The following FOXP2 variants were observed in gnomAD, a reference collection of about 807,000 sequenced individuals.
FOXP2 encodes forkhead box protein P2.
Under a neutral mutation model 115.8 loss-of-function variants are expected in FOXP2, and 12 were observed. That is an observed-to-expected ratio of 0.10 (90% CI 0.07 to 0.17). FOXP2 has a LOEUF of 0.17. FOXP2 is among the 10% of genes least tolerant of loss of function. FOXP2 has a pLI of 1.00. For synonymous variants in FOXP2, 328 were observed against 297.7 expected (o/e 1.10, Z -1.05); for missense variants, 629 against 843.5 (o/e 0.75, Z 3.15).
chr7:114,199,757 A>G (rs981059608), intron 1 of FOXP2, among the ~76,000 whole-genome samples: 1 of 152,246 alleles, frequency 6.6e-6, no homozygotes, highest in Admixed American at 6.5e-5. Context: ...CTTAAGTTTA[A>G]TAAAAGTTTT....
At chr7:114,490,388 A>T (rs1796983762) in intron 2 of FOXP2, among the ~76,000 whole-genome samples, 1 of 152,130 alleles carries the variant, frequency 6.6e-6, no homozygotes, top group Non-Finnish European at 1.5e-5. Context: ...ATGTAAAAAG[A>T]TCAGTGATTG....
Position 114,691,035 on chromosome 7 carries a change from A to G in FOXP2, c.*1109A>G. The G allele has an allele frequency of 2.2e-6, 1 of 454,230 alleles. No homozygotes were observed. Among genetic ancestry groups the G allele is most frequent in the Non-Finnish European group, 4.4e-6 (1 of 226,764 alleles). The allele number at this position is 454,230 out of a possible 1,614,324, so 28.1% of individuals were successfully genotyped here. A position where few individuals can be genotyped will look rare whatever the true frequency, so the allele number is the denominator to read the frequency against. ...CATTAAAGACAGAGGTGAGGACAAA[A>G]TCCGCAGTGGAAGTTATGATATGCT... is the stretch of plus-strand genomic sequence containing the variant. On this transcript the variant is annotated 3_prime_UTR_variant, in exon 17 of 17. Transcript: ENST00000350908.
Position 114,658,114 on chromosome 7 carries a change from T to A in FOXP2, c.1315T>A (p.Ser439Thr), listed in dbSNP as rs1806684257. Reference sequence around the variant, plus strand: ...CATGTCGAAGAATATGTTGGAGACATCCCCACAGAGCTTACCTCAAACCCC... The same window carrying A: ...CATGTCGAAGAATATGTTGGAGACAACCCCACAGAGCTTACCTCAAACCCC... ...VTMSKNMLET[S>T]PQSLPQTPTT... Residue 439 changes from serine to threonine, a missense_variant, in exon 11 of 17, where the codon TCC becomes ACC. Physicochemically the swap from Ser to Thr is moderately conservative, Grantham distance 58 (BLOSUM62 1). This residue lies in a region of FOXP2 where 101 missense variants were observed against 116.0 expected (regional missense o/e 0.87). Transcript: ENST00000350908. The A allele has an allele frequency of 6.2e-7, 1 of 1,613,820 alleles. No homozygotes were observed. Among genetic ancestry groups the A allele is most frequent in the Non-Finnish European group, 8.5e-7 (1 of 1,179,852 alleles).
At chr7:114,328,825 C>T (rs952919245) in intron 2 of FOXP2, among the ~76,000 whole-genome samples, 2 of 152,132 alleles carry the variant, frequency 1.3e-5, no homozygotes, top group African/African-American at 2.4e-5. Context: ...AAAGGAATAG[C>T]CTCATATAGA....
At chr7:114,138,371 AC>A (rs1792100080) in intron 1 of FOXP2, among the ~76,000 whole-genome samples, 1 of 150,206 alleles carries the variant, frequency 6.7e-6, no homozygotes, top group African/African-American at 2.4e-5. Flanking sequence ...CCTCCTCCCC[AC>A]AACAACTCTA....
chr7:114,169,490 G>C (rs1047285794), intron 1 of FOXP2, among the ~76,000 whole-genome samples: 1 of 152,178 alleles, frequency 6.6e-6, no homozygotes, highest in Non-Finnish European at 1.5e-5. Flanking sequence ...GAATGGCTGT[G>C]TTTTCCCAAT....
intron 1 of FOXP2, among the ~76,000 whole-genome samples, chr7:114,144,833 A>G (rs1471926944): frequency 6.6e-6 from 1 of 152,210 alleles, no homozygotes; most frequent in East Asian, 1.9e-4. Context: ...CAACAGTAAC[A>G]TGATACAACA....
chr7:114,409,201 T>C (rs1793107671), intron 2 of FOXP2, among the ~76,000 whole-genome samples: 1 of 152,154 alleles, frequency 6.6e-6, no homozygotes. Flanking sequence ...ATTAAATGAT[T>C]AAACTTGTTT....
intron 2 of FOXP2, among the ~76,000 whole-genome samples, chr7:114,302,889 A>G (rs553665385): frequency 2.0e-5 from 3 of 152,282 alleles, no homozygotes; most frequent in Admixed American, 1.3e-4. Flanking sequence ...AGAGCCAGAA[A>G]GAAAATGGAG....
chr7:114,325,847 A>T (rs1323262534), intron 2 of FOXP2, among the ~76,000 whole-genome samples: 1 of 152,084 alleles, frequency 6.6e-6, no homozygotes, highest in Non-Finnish European at 1.5e-5. Flanking sequence ...ATGTATAAAA[A>T]AAATTTAAGC....
intron 1 of FOXP2, among the ~76,000 whole-genome samples, chr7:114,258,501 A>G (rs1012352213): frequency 2.6e-5 from 4 of 152,232 alleles, no homozygotes; most frequent in Non-Finnish European, 5.9e-5. Flanking sequence ...CAGGAACACC[A>G]GAACTTTATG....
chr7:114,680,599 C>A (rs1055224473), intron 16 of FOXP2, among the ~76,000 whole-genome samples: 1 of 152,050 alleles, frequency 6.6e-6, no homozygotes, highest in Admixed American at 6.6e-5. Context: ...AGACTATACC[C>A]CTTACACTCC....
intron 16 of FOXP2, among the ~76,000 whole-genome samples, chr7:114,684,219 G>T (rs976020572): frequency 2.6e-5 from 4 of 152,112 alleles, no homozygotes; most frequent in East Asian, 1.9e-4. Context: ...TTTCCACGAG[G>T]TTCTTTATTC....
chr7:114,376,464 A>G (rs1792139465), intron 2 of FOXP2, among the ~76,000 whole-genome samples: 1 of 152,230 alleles, frequency 6.6e-6, no homozygotes, highest in East Asian at 1.9e-4. Flanking sequence ...TGTCTGGGGA[A>G]TAATTGTTGG....
At chr7:114,228,747 G>A (rs1427058136) in intron 1 of FOXP2, among the ~76,000 whole-genome samples, 3 of 151,264 alleles carry the variant, frequency 2.0e-5, no homozygotes, top group African/African-American at 7.3e-5. Flanking sequence ...AATACCTATA[G>A]AAGGTATACA....
intron 3 of FOXP2, among the ~76,000 whole-genome samples, chr7:114,621,131 A>G (rs544230647): frequency 6.6e-6 from 1 of 152,142 alleles, no homozygotes; most frequent in East Asian, 1.9e-4. Context: ...TTATACTATA[A>G]CTAATGGGTT....
chr7:114,553,182 A>C (rs908210895), intron 3 of FOXP2, among the ~76,000 whole-genome samples: 1 of 152,176 alleles, frequency 6.6e-6, no homozygotes, highest in Non-Finnish European at 1.5e-5. Context: ...ACGAATATAG[A>C]GCTGGAGTTA....
intron 6 of FOXP2, among the ~76,000 whole-genome samples, chr7:114,639,908 TTGG>T (rs1805429295): frequency 6.6e-6 from 1 of 152,156 alleles, no homozygotes; most frequent in South Asian, 2.1e-4. Flanking sequence ...TCGAAAGCCT[TTGG>T]AGGCCTTGCC....
intron 2 of FOXP2, among the ~76,000 whole-genome samples, chr7:114,352,737 C>A (rs1015222722): frequency 1.3e-5 from 2 of 152,064 alleles, no homozygotes; most frequent in Non-Finnish European, 2.9e-5. Context: ...CTATAAACAT[C>A]CTGTCCCTAA....
Sources: allele counts gnomAD v4.1 joint callset (sites outside exome capture counted in the v4.1 genomes callset), GRCh38; gene constraint gnomAD v4.1.1; regional missense constraint gnomAD v4.1.1; transcripts MANE v1.5; gene names NCBI Gene and HGNC (gene_info 2026-07-23, HGNC 2026-07-21).